The following TOM1L2 variants were observed in gnomAD, a reference collection of about 807,000 sequenced individuals.
TOM1L2 encodes TOM1-like protein 2.
Under a neutral mutation model 67.9 loss-of-function variants are expected in TOM1L2, and 31 were observed. The ratio of observed to expected loss-of-function variants is 0.46; its 90% confidence interval spans 0.34 to 0.62. The LOEUF (loss-of-function observed/expected upper bound fraction) is 0.62, where lower values mean the gene tolerates loss of function less well. Ranked by LOEUF, TOM1L2 falls within the 20% of genes least tolerant of loss-of-function variation. TOM1L2 has a pLI of 0.01. For missense variants in TOM1L2, 606 were observed against 663.5 expected (o/e 0.91, Z 0.95); for synonymous variants, 256 against 254.0 (o/e 1.01, Z -0.07).
At chr17:17,940,846 A>T (rs1042356759) in intron 1 of TOM1L2, among the ~76,000 whole-genome samples, 3 of 152,218 alleles carry the variant, frequency 2.0e-5, no homozygotes, top group Non-Finnish European at 4.4e-5. Flanking sequence ...TCAGTCTCAT[A>T]AATTGTTTTC....
At chr17:17,902,918 G>A (rs1056189207) in intron 2 of TOM1L2, among the ~76,000 whole-genome samples, 1 of 152,046 alleles carries the variant, frequency 6.6e-6, no homozygotes. Flanking sequence ...TGAGGAAATG[G>A]GACACAGACA....
intron 4 of TOM1L2, among the ~76,000 whole-genome samples, chr17:17,886,861 A>C (rs1345963209): frequency 6.6e-6 from 1 of 152,216 alleles, no homozygotes; most frequent in African/African-American, 2.4e-5. Flanking sequence ...TGCACACCCA[A>C]GTTGGGCCAA....
chr17:17,866,909 C>T lies in TOM1L2; in HGVS notation c.927G>A (p.Arg309=), dbSNP rs930707964. 6.2e-7 allele frequency: 1 copy of T among 1,614,004 alleles called. No individual in the cohort carries two copies. Among genetic ancestry groups the T allele is most frequent in the Non-Finnish European group, 8.5e-7 (1 of 1,179,962 alleles). The change falls in exon 9 of 15, where the codon AGG becomes AGA. Residue 309 remains arginine, a synonymous_variant. Transcript: ENST00000379504. ...TGGCATTTTGAACGGATCGGCCAGA[C>T]CTGTATCGTTCGAACCTAACAGGGG... The part of the protein sequence containing the change: ...FLRYERFERY[R]SGRSVQNASN...
intron 3 of TOM1L2, among the ~76,000 whole-genome samples, chr17:17,898,001 C>T (rs968533518): frequency 8.6e-5 from 13 of 150,924 alleles, no homozygotes; most frequent in African/African-American, 2.7e-4. Flanking sequence ...TCTCAGCTCA[C>T]GGCAACCTCC....
At chr17:17,884,372 G>A (rs1040434136) in intron 5 of TOM1L2, among the ~76,000 whole-genome samples, 2 of 152,092 alleles carry the variant, frequency 1.3e-5, no homozygotes, top group Non-Finnish European at 2.9e-5. Flanking sequence ...GGATGGCTCC[G>A]CCCAAGTAGC....
intron 12 of TOM1L2, among the ~76,000 whole-genome samples, chr17:17,854,990 A>C (rs1568059960): frequency 6.6e-6 from 1 of 152,234 alleles, no homozygotes; most frequent in Non-Finnish European, 1.5e-5. Context: ...AATGCCCTCC[A>C]ATAGAGACTG....
intron 12 of TOM1L2, among the ~76,000 whole-genome samples, chr17:17,852,074 G>C (rs186508426): frequency 6.6e-6 from 1 of 151,746 alleles, no homozygotes; most frequent in African/African-American, 2.4e-5. Flanking sequence ...GTACCCTTCC[G>C]GGGCTCACTT....
At chr17:17,943,900 T>C (rs1287584438) in intron 1 of TOM1L2, among the ~76,000 whole-genome samples, 1 of 152,180 alleles carries the variant, frequency 6.6e-6, no homozygotes, top group Non-Finnish European at 1.5e-5. Flanking sequence ...AGGCCCCTTT[T>C]CTCCAATGTT....
intron 1 of TOM1L2, among the ~76,000 whole-genome samples, chr17:17,971,214 G>A (rs2042064579): frequency 6.6e-6 from 1 of 152,152 alleles, no homozygotes; most frequent in African/African-American, 2.4e-5. Context: ...AATGTGCAGA[G>A]TACTACAAAG....
intron 7 of TOM1L2, among the ~76,000 whole-genome samples, chr17:17,877,581 A>G (rs1031156409): frequency 7.9e-5 from 12 of 152,172 alleles, no homozygotes; most frequent in Admixed American, 3.3e-4. Flanking sequence ...AGGGGTGGGA[A>G]GATGTCGGCA....
chr17:17,927,137 T>C lies in TOM1L2; in HGVS notation c.53-19606A>G, dbSNP rs545902801. On this transcript the variant is annotated intron_variant, in intron 1 of 14. Transcript: ENST00000379504. ...TTCCTAGCTTTTCGGATTTTTACTG[T>C]AGAAAAATAAACACAGTATCTATCT... Among the ~76,000 whole-genome samples the C allele has an allele frequency of 1.8e-4, 27 of 152,304 alleles. No homozygotes were observed. The South Asian group carries it at 4.4e-3, about 25-fold the overall frequency.
At chr17:17,883,493 GGGA>G (rs1283189987) in intron 5 of TOM1L2, among the ~76,000 whole-genome samples, 1 of 152,054 alleles carries the variant, frequency 6.6e-6, no homozygotes, top group Non-Finnish European at 1.5e-5. Flanking sequence ...TCAGCACTTT[GGGA>G]GGACGAGGCG....
chr17:17,871,226 C>T (rs369297606), intron 7 of TOM1L2, among the ~76,000 whole-genome samples: 7 of 151,724 alleles, frequency 4.6e-5, no homozygotes, highest in African/African-American at 9.7e-5. Context: ...AAAAATTAGC[C>T]GGGCGTTGGT....
intron 2 of TOM1L2, among the ~76,000 whole-genome samples, chr17:17,905,837 C>T (rs984714938): frequency 6.6e-6 from 1 of 152,158 alleles, no homozygotes; most frequent in African/African-American, 2.4e-5. Flanking sequence ...AAGGTTGAAG[C>T]CAGAGTTGCT....
chr17:17,949,872 T>A (rs1598394815), intron 1 of TOM1L2, among the ~76,000 whole-genome samples: 1 of 152,066 alleles, frequency 6.6e-6, no homozygotes, highest in Non-Finnish European at 1.5e-5. Context: ...TTTTAAATTT[T>A]ATTTATTTAT....
At chr17:17,930,017 AT>A (rs1302244201) in intron 1 of TOM1L2, among the ~76,000 whole-genome samples, 5 of 152,228 alleles carry the variant, frequency 3.3e-5, no homozygotes, top group African/African-American at 1.2e-4. Context: ...TACAGAGCCC[AT>A]GCCTGGGCAC....
chr17:17,963,243 C>T (rs2041759559), intron 1 of TOM1L2, among the ~76,000 whole-genome samples: 1 of 152,118 alleles, frequency 6.6e-6, no homozygotes, highest in South Asian at 2.1e-4. Context: ...ATGGGACTGA[C>T]TCCAATCTAG....
intron 1 of TOM1L2, among the ~76,000 whole-genome samples, chr17:17,912,566 G>A (rs61555188): frequency 0.033 from 4,924 of 150,460 alleles, 269 homozygotes; most frequent in African/African-American, 0.11. Flanking sequence ...GGGCAGAGGC[G>A]CTCCCCACAT....
chr17:17,967,350 T>C (rs2041909825), intron 1 of TOM1L2, among the ~76,000 whole-genome samples: 1 of 152,170 alleles, frequency 6.6e-6, no homozygotes, highest in Non-Finnish European at 1.5e-5. Context: ...GAATCTAAAC[T>C]TTACTCTTGG....
Sources: allele counts gnomAD v4.1 joint callset (sites outside exome capture counted in the v4.1 genomes callset), GRCh38; gene constraint gnomAD v4.1.1; transcripts MANE v1.5; gene names NCBI Gene and HGNC (gene_info 2026-07-23, HGNC 2026-07-21).